Variants in WDR17 observed in about 807,000 individuals in gnomAD.
WDR17 encodes WD repeat domain 17.
Under a neutral mutation model 161.7 loss-of-function variants are expected in WDR17, and 143 were observed. That is an observed-to-expected ratio of 0.88 (90% CI 0.77 to 1.02). The LOEUF is 1.02. Among genes scored for constraint, WDR17 ranks in the 50% least tolerant of loss-of-function variants. WDR17 has a pLI of 0.00. For synonymous variants in WDR17, 517 were observed against 515.6 expected (o/e 1.00, Z -0.04); for missense variants, 1,469 against 1,520.9 (o/e 0.97, Z 0.57).
rs1739747301 is a variant in WDR17, at chr4:176,111,565, G to A, written c.-6-10G>A. 6 of 1,593,442 alleles carry A rather than the reference G, an allele frequency of 3.8e-6. No individual in the cohort carries two copies. The highest frequency in any genetic ancestry group is 4.3e-6 in the Non-Finnish European group (5 of 1,170,592). On this transcript the variant is annotated splice_polypyrimidine_tract_variant and intron_variant, in intron 1 of 28. Coordinates refer to ENST00000508596, the MANE Select transcript of WDR17 (RefSeq NM_181265.4). ...AAATCACTGACATTTCTTCAAATTT[G>A]TTTTTCAAGGCAAACATGTCCCAGG... is the stretch of plus-strand genomic sequence containing the variant.
intron 23 of WDR17, 96 bp from the exon 24 acceptor site, chr4:176,172,279 A>C (rs1350099760): frequency 4.5e-6 from 5 of 1,111,668 alleles, no homozygotes; most frequent in South Asian, 1.5e-5. Flanking sequence ...TAATAAGAAA[A>C]CCATACTAGG....
At chr4:176,101,488 A>G (rs184380959) in intron 1 of WDR17, among the ~76,000 whole-genome samples, 5 of 152,346 alleles carry the variant, frequency 3.3e-5, no homozygotes, top group African/African-American at 9.6e-5. Context: ...TACGACAGAA[A>G]TGTTGGTATT....
chr4:176,174,137 G>A (rs1751132292), intron 25 of WDR17, among the ~76,000 whole-genome samples: 1 of 151,946 alleles, frequency 6.6e-6, no homozygotes, highest in African/African-American at 2.4e-5. Context: ...TATAACTAAA[G>A]CCCTCAGAGA....
At chr4:176,124,529 T>C (rs1302671009) in intron 4 of WDR17, among the ~76,000 whole-genome samples, 1 of 152,194 alleles carries the variant, frequency 6.6e-6, no homozygotes, top group Admixed American at 6.5e-5. Flanking sequence ...CTAAACATTT[T>C]AATCAAATTC....
Position 176,177,465 on chromosome 4 carries a change from A to G in WDR17, c.3549-6A>G. On this transcript the variant is annotated splice_polypyrimidine_tract_variant and splice_region_variant and intron_variant, in intron 27 of 28. Coordinates refer to ENST00000508596, the MANE Select transcript of WDR17 (RefSeq NM_181265.4). ...AATGAAATTTTGATATCTGTTGAAA[A>G]TATAGATCATTAGAAGACTCTCCGT... 1 of 1,533,172 alleles carries G rather than the reference A, an allele frequency of 6.5e-7. No homozygotes were observed. The highest frequency in any genetic ancestry group is 8.7e-7 in the Non-Finnish European group (1 of 1,146,780). 95.0% of individuals were successfully genotyped at this position (1,533,172 alleles called of 1,614,324 possible).
intron 1 of WDR17, among the ~76,000 whole-genome samples, chr4:176,108,540 T>A (rs1397845898): frequency 3.3e-5 from 5 of 152,010 alleles, no homozygotes; most frequent in Non-Finnish European, 7.4e-5. Flanking sequence ...ATGGAGAACA[T>A]CAAGAATGAG....
chr4:176,116,467 T>A (rs1482791662), intron 3 of WDR17, among the ~76,000 whole-genome samples: 2 of 146,624 alleles, frequency 1.4e-5, no homozygotes, highest in South Asian at 4.4e-4. Context: ...ATTGGAATAA[T>A]AGCATTATAC....
intron 6 of WDR17, among the ~76,000 whole-genome samples, chr4:176,130,926 T>C (rs5016794): frequency 0.25 from 38,036 of 151,654 alleles, 4,856 homozygotes; most frequent in African/African-American, 0.29. Flanking sequence ...AAATAATATA[T>C]AAAAATAATC....
chr4:176,082,474 C>T (rs146088079), intron 1 of WDR17, among the ~76,000 whole-genome samples: 3 of 152,040 alleles, frequency 2.0e-5, no homozygotes, highest in Non-Finnish European at 2.9e-5. Flanking sequence ...GGCTGCATAA[C>T]CGAGAAATGC....
rs188840270 is a variant in WDR17 at position 176,142,499 on chromosome 4, T to C, written c.1529+430T>C. 3.3e-5 allele frequency among the ~76,000 whole-genome samples: 5 copies of C among 152,330 alleles called. No homozygotes were observed. The South Asian group carries it at 1.0e-3, about 32-fold the overall frequency. ...TCTGGCACTGGGTAATTTTCCACGA[T>C]GTGGAACTTAAGTGCCTGGTTTTAA... On this transcript the variant is annotated intron_variant, in intron 11 of 28. Coordinates refer to ENST00000508596, the MANE Select transcript of WDR17 (RefSeq NM_181265.4).
At position 176,151,860 on chromosome 4, in the gene WDR17, G is replaced by A; in HGVS notation, c.2353G>A (p.Gly785Ser). 6.2e-7 allele frequency: 1 copy of A among 1,610,196 alleles called. No individual in the cohort carries two copies. Among genetic ancestry groups the A allele is most frequent in the Non-Finnish European group, 8.5e-7 (1 of 1,178,620 alleles). ...AGTCAAGATGTCTAAATTTGGTGGT[G>A]GTATTGGTGTACCTGCTAAAGAGGA... is the stretch of plus-strand genomic sequence containing the variant. ...TTVKMSKFGG[G>S]IGVPAKEERL... is the part of the protein sequence containing the mutation. The change falls in exon 17 of 29, where the codon GGT (glycine) becomes AGT (serine). Residue 785 changes from glycine to serine, a missense_variant. Transcript: ENST00000508596.
In WDR17 at chr4:176,180,749, A is replaced by C. The variant is rs1752078082; in HGVS notation, c.*1170A>C. 1 of 152,186 alleles carries C rather than the reference A, an allele frequency of 6.6e-6. No individual in the cohort carries two copies. The highest frequency in any genetic ancestry group is 1.5e-5 in the Non-Finnish European group (1 of 68,026). 9.4% of individuals were successfully genotyped at this position (152,186 alleles called of 1,614,324 possible). On this transcript the variant is annotated 3_prime_UTR_variant, in exon 29 of 29. Coordinates refer to ENST00000508596, the MANE Select transcript of WDR17 (RefSeq NM_181265.4). ...ACAAAAACCACAATTGATTTGATGA[A>C]AATTAGTTTTAAGTAAATGTTTGTA...
intron 4 of WDR17, among the ~76,000 whole-genome samples, chr4:176,122,666 A>G (rs1378095898): frequency 2.0e-5 from 3 of 152,154 alleles, no homozygotes; most frequent in African/African-American, 7.2e-5. Context: ...TATCTTCTTG[A>G]TGACTTACTG....
chr4:176,096,391 G>C, intron 1 of WDR17: 1 of 620,788 alleles, frequency 1.6e-6, no homozygotes, highest in South Asian at 2.5e-5. Flanking sequence ...CTAGCCTTTT[G>C]TACTGAACAT....
At chr4:176,104,923 T>C (rs1157468456) in intron 1 of WDR17, among the ~76,000 whole-genome samples, 3 of 151,680 alleles carry the variant, frequency 2.0e-5, no homozygotes, top group Admixed American at 2.0e-4. Context: ...ATTAAGCTCT[T>C]CAAACAAAAG....
chr4:176,070,183 T>C (rs1452944217), intron 1 of WDR17, among the ~76,000 whole-genome samples: 1 of 152,212 alleles, frequency 6.6e-6, no homozygotes, highest in African/African-American at 2.4e-5. Context: ...AATTTATTCC[T>C]GAAAATATAA....
intron 23 of WDR17, among the ~76,000 whole-genome samples, chr4:176,170,724 A>T (rs1750605377): frequency 6.6e-6 from 1 of 152,206 alleles, no homozygotes; most frequent in Non-Finnish European, 1.5e-5. Flanking sequence ...TCTTTTCATC[A>T]CACATTCTAA....
chr4:176,136,748 T>A (rs532756085), intron 8 of WDR17, among the ~76,000 whole-genome samples: 47 of 151,528 alleles, frequency 3.1e-4, no homozygotes, highest in Non-Finnish European at 6.1e-4. Context: ...TTTTGAAACA[T>A]ATCCCCAATA....
intron 10 of WDR17, among the ~76,000 whole-genome samples, chr4:176,141,211 T>C (rs1415280687): frequency 1.3e-5 from 2 of 152,092 alleles, no homozygotes; most frequent in African/African-American, 2.4e-5. Context: ...TGGGGGATCA[T>C]CTCTGAATTT....
Sources: gnomAD v4.1 joint callset for allele counts (sites outside exome capture counted in the v4.1 genomes callset) on GRCh38, gnomAD v4.1.1 for gene constraint, MANE v1.5 for transcripts, NCBI Gene and HGNC (gene_info 2026-07-23, HGNC 2026-07-21) for gene names.